CCSER1: variants seen among roughly 807,000 people sequenced by gnomAD.
The protein encoded by CCSER1 is serine-rich coiled-coil domain-containing protein 1.
CCSER1 carries 41 observed loss-of-function variants against 82.0 expected under a neutral mutation model. That is an observed-to-expected ratio of 0.50 (90% CI 0.39 to 0.65). The LOEUF (loss-of-function observed/expected upper bound fraction) is 0.65, where lower values mean the gene tolerates loss of function less well. Ranked by LOEUF, CCSER1 falls within the 30% of genes least tolerant of loss-of-function variation. CCSER1 has a pLI of 0.00. For missense variants in CCSER1, 1,119 were observed against 1,064.2 expected, an observed-to-expected ratio of 1.05 and a Z score of -0.72; for synonymous variants, 414 against 383.9, an observed-to-expected ratio of 1.08 and a Z score of -0.92.
At chr4:90,526,052 G>A (rs1773718266) in intron 5 of CCSER1, among the ~76,000 whole-genome samples, 1 of 152,200 alleles carries the variant, frequency 6.6e-6, no homozygotes, top group African/African-American at 2.4e-5. Context: ...AATAGCTATA[G>A]TTTCCTAATT....
intron 8 of CCSER1, among the ~76,000 whole-genome samples, chr4:90,834,003 T>G (rs1408945669): frequency 6.6e-6 from 1 of 152,226 alleles, no homozygotes; most frequent in African/African-American, 2.4e-5. Context: ...TGCCATACTC[T>G]GGGACTTTTC....
intron 5 of CCSER1, among the ~76,000 whole-genome samples, chr4:90,588,015 T>TA (rs1292486013): frequency 6.6e-6 from 1 of 152,200 alleles, no homozygotes; most frequent in Non-Finnish European, 1.5e-5. Flanking sequence ...GCATTATGTC[T>TA]AAAAAAGTCC....
intron 3 of CCSER1, among the ~76,000 whole-genome samples, chr4:90,379,204 T>A (rs1748831542): frequency 6.6e-6 from 1 of 152,166 alleles, no homozygotes; most frequent in Non-Finnish European, 1.5e-5. Context: ...TCTTCTATAT[T>A]GTGACTCAGA....
At chr4:90,155,967 G>A (rs1432133608) in intron 1 of CCSER1, among the ~76,000 whole-genome samples, 4 of 151,628 alleles carry the variant, frequency 2.6e-5, no homozygotes, top group Non-Finnish European at 4.4e-5. Flanking sequence ...GTGATGTTAG[G>A]GTGTCAATTT....
chr4:91,364,312 A>G (rs1270454008), intron 10 of CCSER1, among the ~76,000 whole-genome samples: 1 of 152,052 alleles, frequency 6.6e-6, no homozygotes, highest in Non-Finnish European at 1.5e-5. Context: ...CCTAGAAAAG[A>G]CTAATTTTCA....
intron 5 of CCSER1, among the ~76,000 whole-genome samples, chr4:90,519,103 T>A (rs1420679384): frequency 6.6e-6 from 1 of 151,642 alleles, no homozygotes; most frequent in Non-Finnish European, 1.5e-5. Context: ...TTAGCATTAA[T>A]TTTTTTTGGA....
At chr4:90,242,224 C>G (rs1236266048) in intron 1 of CCSER1, among the ~76,000 whole-genome samples, 1 of 152,144 alleles carries the variant, frequency 6.6e-6, no homozygotes, top group Non-Finnish European at 1.5e-5. Context: ...GGAGAATCAT[C>G]TGAGCATGGG....
chr4:90,564,331 A>C (rs1322025732), intron 5 of CCSER1, among the ~76,000 whole-genome samples: 1 of 152,128 alleles, frequency 6.6e-6, no homozygotes. Context: ...CTAGGGTTGC[A>C]GGCATGAGCC....
intron 1 of CCSER1, among the ~76,000 whole-genome samples, chr4:90,160,174 C>T (rs1164151725): frequency 1.3e-5 from 2 of 152,096 alleles, no homozygotes; most frequent in Non-Finnish European, 2.9e-5. Flanking sequence ...TCAAAACAGT[C>T]CTTAAGAGGG....
intron 4 of CCSER1, among the ~76,000 whole-genome samples, chr4:90,445,788 A>G (rs1208265876): frequency 6.6e-6 from 1 of 152,118 alleles, no homozygotes; most frequent in Non-Finnish European, 1.5e-5. Context: ...TTGGGTTATT[A>G]CAGTTACATT....
At chr4:90,827,510 C>T (rs928674068) in intron 8 of CCSER1, among the ~76,000 whole-genome samples, 3 of 152,164 alleles carry the variant, frequency 2.0e-5, no homozygotes, top group Non-Finnish European at 2.9e-5. Context: ...GAATCACCTA[C>T]AGCCACTTCT....
At chr4:91,124,632 T>C (rs1288380106) in intron 10 of CCSER1, among the ~76,000 whole-genome samples, 1 of 151,790 alleles carries the variant, frequency 6.6e-6, no homozygotes, top group East Asian at 1.9e-4. Context: ...TTTAGTTTAT[T>C]ATCTTTTCAT....
chr4:91,121,667 A>G (rs1333068445), intron 10 of CCSER1, among the ~76,000 whole-genome samples: 1 of 151,652 alleles, frequency 6.6e-6, no homozygotes, highest in Non-Finnish European at 1.5e-5. Flanking sequence ...CCAAAATATT[A>G]TTTATTTTTG....
chr4:90,940,072 G>C (rs763708546), intron 9 of CCSER1, among the ~76,000 whole-genome samples: 14 of 152,080 alleles, frequency 9.2e-5, no homozygotes, highest in Non-Finnish European at 1.8e-4. Flanking sequence ...GAAGAAGCAA[G>C]AATTCAATTG....
At chr4:90,535,310 C>T (rs1044123167) in intron 5 of CCSER1, among the ~76,000 whole-genome samples, 2 of 152,032 alleles carry the variant, frequency 1.3e-5, no homozygotes, top group African/African-American at 4.8e-5. Flanking sequence ...TTGGGCTGAG[C>T]ACAGTGGTTC....
At chr4:90,581,502 ATGTGTGTGTGTT>A (rs1417365957) in intron 5 of CCSER1, among the ~76,000 whole-genome samples, 1 of 151,950 alleles carries the variant, frequency 6.6e-6, no homozygotes, top group African/African-American at 2.4e-5. Context: ...GTTAAGGGGT[ATGTGTGTGTGTT>A]TGTGTGTGTA....
At chr4:90,740,332 A>G (rs1746335136) in intron 7 of CCSER1, among the ~76,000 whole-genome samples, 1 of 152,158 alleles carries the variant, frequency 6.6e-6, no homozygotes, top group Non-Finnish European at 1.5e-5. Flanking sequence ...TTATTTGACT[A>G]TTGCAGACAG....
intron 1 of CCSER1, among the ~76,000 whole-genome samples, chr4:90,190,925 T>G (rs1263675697): frequency 1.3e-5 from 2 of 152,080 alleles, no homozygotes; most frequent in South Asian, 4.1e-4. Flanking sequence ...ACCAGAAATA[T>G]AAACTTTATA....
At chr4:90,995,173 C>G (rs1436914805) in intron 9 of CCSER1, among the ~76,000 whole-genome samples, 1 of 152,136 alleles carries the variant, frequency 6.6e-6, no homozygotes, top group Non-Finnish European at 1.5e-5. Flanking sequence ...GTAAGTTCTT[C>G]AAGGGCAGAG....
Sources: allele counts gnomAD v4.1 joint callset (sites outside exome capture counted in the v4.1 genomes callset), GRCh38; gene constraint gnomAD v4.1.1; transcripts MANE v1.5; gene names NCBI Gene and HGNC (gene_info 2026-07-23, HGNC 2026-07-21).